Variants in MARCO observed in about 807,000 individuals in gnomAD.
MARCO encodes macrophage receptor MARCO.
In MARCO, 72 loss-of-function variants were observed where a neutral mutation model predicts 70.0. The ratio of observed to expected loss-of-function variants is 1.03; its 90% CI spans 0.85 to 1.25. The LOEUF is 1.25. Ranked by LOEUF, MARCO falls within the 50% of genes most tolerant of loss-of-function variation. MARCO has a pLI of 0.00. For missense variants in MARCO, 696 were observed against 659.3 expected, an observed-to-expected ratio of 1.06 and a Z score of -0.61; for synonymous variants, 273 against 243.1, an observed-to-expected ratio of 1.12 and a Z score of -1.14.
chr2:118,969,134 C>T (rs1329545225), intron 1 of MARCO, 26 bp from the exon 2 acceptor site: 1 of 1,533,576 alleles, frequency 6.5e-7, no homozygotes, highest in East Asian at 2.2e-5. Flanking sequence ...CTGCAGCAGC[C>T]TCCTTCCTCC....
At chr2:118,992,383 G>A (rs374645210) in intron 14 of MARCO, 49 bp from the exon 15 acceptor site, 106 of 1,550,628 alleles carry the variant, frequency 6.8e-5, no homozygotes, top group Admixed American at 6.2e-4. Flanking sequence ...AGGCAAAGGC[G>A]TCCTGCCTGG....
chr2:118,990,360 G>A lies in MARCO; in HGVS notation c.1064-229G>A, dbSNP rs188353034. Among the ~76,000 whole-genome samples the A allele has an allele frequency of 9.2e-4, 140 of 152,310 alleles. 2 individuals are homozygous for A. The highest frequency in any genetic ancestry group is 2.3e-3 in the Admixed American group (35 of 15,302). ...GTGCATCTGGGGTCTGTCTAATCCA[G>A]GCTTTCATCCAGTACTTTGCCGTTT... On this transcript the variant is annotated intron_variant, in intron 12 of 16. Coordinates refer to ENST00000327097, the MANE Select transcript of MARCO (RefSeq NM_006770.4).
At chr2:118,954,384 A>C (rs1573377882) in intron 1 of MARCO, among the ~76,000 whole-genome samples, 1 of 151,122 alleles carries the variant, frequency 6.6e-6, no homozygotes, top group South Asian at 2.1e-4. Flanking sequence ...TGGGAATCTC[A>C]CCCCTATCCC....
intron 8 of MARCO, among the ~76,000 whole-genome samples, 156 bp downstream of exon 8, chr2:118,978,091 C>T (rs566979989): frequency 1.6e-4 from 25 of 152,116 alleles, no homozygotes; most frequent in Non-Finnish European, 2.8e-4. Context: ...CTCTTCTTTC[C>T]GGGTGAGCAA....
intron 7 of MARCO, 60 bp downstream of exon 7, chr2:118,977,575 T>TA: frequency 2.8e-6 from 4 of 1,432,644 alleles, no homozygotes; most frequent in Non-Finnish European, 3.9e-6. Flanking sequence ...CTGAGGCAGT[T>TA]CCCCCCCACC....
intron 7 of MARCO, 152 bp from the exon 8 acceptor site, chr2:118,977,676 A>C: frequency 2.5e-6 from 2 of 802,462 alleles, no homozygotes; most frequent in Non-Finnish European, 4.0e-6. Flanking sequence ...ACATTTCTTC[A>C]AGACCACCCA....
chr2:118,985,781 C>A (rs1680473246), intron 12 of MARCO, among the ~76,000 whole-genome samples: 2 of 152,198 alleles, frequency 1.3e-5, no homozygotes, highest in Non-Finnish European at 2.9e-5. Context: ...CATGAAATAA[C>A]ATTAGAAGCA....
chr2:118,979,926 C>T (rs1190881963), intron 8 of MARCO, among the ~76,000 whole-genome samples: 2 of 152,228 alleles, frequency 1.3e-5, no homozygotes, highest in African/African-American at 2.4e-5. Context: ...TTTCCTCACT[C>T]TACTACTTAG....
chr2:118,976,466 C>T (rs150520445), intron 6 of MARCO, among the ~76,000 whole-genome samples: 173 of 152,150 alleles, frequency 1.1e-3, no homozygotes, highest in African/African-American at 3.5e-3. Context: ...ACTTTGCCTC[C>T]TGGATCCCTC....
intron 10 of MARCO, among the ~76,000 whole-genome samples, 165 bp downstream of exon 10, chr2:118,981,821 G>T (rs1680398045): frequency 6.6e-6 from 1 of 152,166 alleles, no homozygotes; most frequent in African/African-American, 2.4e-5. Context: ...AGCAGCCAGT[G>T]GGCGGTGGGG....
intron 12 of MARCO, 36 bp from the exon 13 acceptor site, chr2:118,990,553 A>T (rs752645041): frequency 1.9e-6 from 3 of 1,554,964 alleles, no homozygotes; most frequent in South Asian, 1.1e-5. Context: ...AAGTTTTATT[A>T]TCTCCTCCCC....
At chr2:118,976,625 A>G (rs1402900563) in intron 6 of MARCO, among the ~76,000 whole-genome samples, 2 of 152,170 alleles carry the variant, frequency 1.3e-5, no homozygotes, top group Non-Finnish European at 2.9e-5. Context: ...ACCGTTTCTC[A>G]ATTCCAATTT....
intron 1 of MARCO, among the ~76,000 whole-genome samples, chr2:118,968,119 G>A (rs1287441869): frequency 6.6e-6 from 1 of 152,206 alleles, no homozygotes; most frequent in Non-Finnish European, 1.5e-5. Flanking sequence ...TGCCTGGTGT[G>A]GAATAGGTGC....
chr2:118,950,728 A>T (rs537531333), intron 1 of MARCO, among the ~76,000 whole-genome samples: 1 of 152,194 alleles, frequency 6.6e-6, no homozygotes, highest in Admixed American at 6.5e-5. Context: ...TTCTTTAAAC[A>T]ACCAGTTAAT....
intron 1 of MARCO, chr2:118,949,303 T>C (rs914267195): frequency 6.6e-6 from 1 of 152,250 alleles, no homozygotes; most frequent in African/African-American, 2.4e-5. Context: ...CAGTCACTTT[T>C]GTTTAAAGTG....
chr2:118,981,947 TG>T (rs1273806033), intron 10 of MARCO, among the ~76,000 whole-genome samples: 8 of 152,156 alleles, frequency 5.3e-5, no homozygotes, highest in African/African-American at 1.7e-4. Context: ...GCCCTGCAGA[TG>T]GAAAAGATTA....
intron 1 of MARCO, among the ~76,000 whole-genome samples, chr2:118,960,721 GT>G (rs971674246): frequency 4.0e-5 from 6 of 151,712 alleles, no homozygotes; most frequent in African/African-American, 1.5e-4. Flanking sequence ...TTTTATGCAA[GT>G]TTTTTTTGAA....
At chr2:118,970,058 C>T (rs1287465210) in intron 2 of MARCO, 56 bp from the exon 3 acceptor site, 13 of 1,415,600 alleles carry the variant, frequency 9.2e-6, no homozygotes, top group Non-Finnish European at 1.3e-5. Context: ...ACAAGAATGT[C>T]AGGGATATGC....
chr2:118,967,509 C>T (rs1169725133), intron 1 of MARCO, among the ~76,000 whole-genome samples: 1 of 152,102 alleles, frequency 6.6e-6, no homozygotes, highest in Non-Finnish European at 1.5e-5. Flanking sequence ...TTGTGGGGCT[C>T]ACTCAGGCTG....
Sources: gnomAD v4.1 joint callset for allele counts (sites outside exome capture counted in the v4.1 genomes callset) on GRCh38, gnomAD v4.1.1 for gene constraint, MANE v1.5 for transcripts, NCBI Gene and HGNC (gene_info 2026-07-23, HGNC 2026-07-21) for gene names.